Variants in IFRD1 observed in about 807,000 individuals in gnomAD.
IFRD1 encodes interferon-related developmental regulator 1.
IFRD1 carries 35 observed loss-of-function variants against 52.9 expected under a neutral mutation model. The observed-to-expected ratio is 0.66, with a 90% CI of 0.51 to 0.88. The LOEUF (loss-of-function observed/expected upper bound fraction) is 0.88, where lower values mean the gene tolerates loss of function less well. IFRD1 is among the 40% of genes least tolerant of loss of function. The probability of loss-of-function intolerance (pLI) is 0.00; values close to 1 mark genes in which losing one functional copy is unlikely to be tolerated. For synonymous variants in IFRD1, 184 were observed against 188.4 expected, an observed-to-expected ratio of 0.98 and a Z score of 0.19; for missense variants, 517 against 550.8, an observed-to-expected ratio of 0.94 and a Z score of 0.61.
intron 1 of IFRD1, among the ~76,000 whole-genome samples, chr7:112,455,083 CA>C (rs1207256615): frequency 2.7e-5 from 4 of 150,920 alleles, no homozygotes; most frequent in Admixed American, 1.3e-4. Context: ...AGGCAGGTCT[CA>C]AATTCCTGAC....
intron 10 of IFRD1, 34 bp from the exon 11 acceptor site, chr7:112,472,732 T>C: frequency 3.2e-6 from 4 of 1,263,164 alleles, no homozygotes; most frequent in Non-Finnish European, 4.7e-6. Context: ...TAATGTTTAA[T>C]ACTGAGCCAT....
chr7:112,460,165 T>A (rs2117305548), intron 5 of IFRD1, among the ~76,000 whole-genome samples: 1 of 151,896 alleles, frequency 6.6e-6, no homozygotes, highest in African/African-American at 2.4e-5. Flanking sequence ...TACTTCCAAG[T>A]TGCTGTGAAT....
chr7:112,468,423 A>G (rs1007511393), intron 9 of IFRD1, among the ~76,000 whole-genome samples: 14 of 152,272 alleles, frequency 9.2e-5, no homozygotes, highest in Middle Eastern at 3.4e-3. Flanking sequence ...CTTAGCATAT[A>G]CATTCTTAGT....
At chr7:112,469,519 TTTTC>T (rs1484901789) in intron 9 of IFRD1, among the ~76,000 whole-genome samples, 1 of 152,156 alleles carries the variant, frequency 6.6e-6, no homozygotes, top group Non-Finnish European at 1.5e-5. Context: ...AAGTAAGCCA[TTTTC>T]TTTAAGTAAC....
chr7:112,458,768 T>A (rs1795355830), intron 4 of IFRD1, 93 bp from the exon 5 acceptor site: 2 of 1,181,480 alleles, frequency 1.7e-6, no homozygotes, highest in Non-Finnish European at 2.5e-6. Flanking sequence ...TGGTAAATGC[T>A]ATTTTGTCAT....
chr7:112,435,979 T>C (rs948858234), intron 1 of IFRD1, among the ~76,000 whole-genome samples: 11 of 151,596 alleles, frequency 7.3e-5, no homozygotes, highest in African/African-American at 2.7e-4. Flanking sequence ...GCCTCCTGGG[T>C]TCAAGTGATT....
intron 11 of IFRD1, among the ~76,000 whole-genome samples, chr7:112,474,975 T>C (rs1245915787): frequency 2.6e-5 from 4 of 151,942 alleles, no homozygotes; most frequent in African/African-American, 9.7e-5. Flanking sequence ...TTTATTTTTT[T>C]TGAGACGGAG....
At chr7:112,461,728 T>C in intron 5 of IFRD1, 138 bp from the exon 6 acceptor site, 1 of 487,128 alleles carries the variant, frequency 2.1e-6, no homozygotes, top group Non-Finnish European at 3.6e-6. Context: ...TCTCCTCACC[T>C]CTTTTATGTA....
At chr7:112,473,631 G>A (rs1387872221) in intron 11 of IFRD1, among the ~76,000 whole-genome samples, 7 of 151,922 alleles carry the variant, frequency 4.6e-5, no homozygotes, top group Non-Finnish European at 8.8e-5. Flanking sequence ...TGCCATGTTG[G>A]CCAGGCTAGT....
chr7:112,454,738 AAAATATATTTGTCTT>A (rs1300781477), intron 1 of IFRD1, among the ~76,000 whole-genome samples: 1 of 151,924 alleles, frequency 6.6e-6, no homozygotes, highest in Non-Finnish European at 1.5e-5. Context: ...TTCTCATTGG[AAAATATATTTGTCTT>A]ATTCTTATGA....
rs1191107867 is a variant in IFRD1 at position 112,462,302 on chromosome 7, G to A, written c.830G>A (p.Cys277Tyr). Residue 277 changes from cysteine (C) to tyrosine (Y), a missense_variant, in exon 8 of 12, where the codon TGT becomes TAT. Transcript: ENST00000403825. ...CATAAGCTTCCAAGCCTCCTCTCTT[G>A]TGATGATGTAAACATGAGAATAGCT... ...HFHKLPSLLS[C>Y]DDVNMRIAAG... is the part of the protein sequence containing the mutation. 2.5e-6 allele frequency: 4 copies of A among 1,613,794 alleles called. No individual in the cohort carries two copies. The South Asian group carries it at 3.3e-5, about 13-fold the overall frequency.
At chr7:112,438,031 GAT>G (rs1794754928) in intron 1 of IFRD1, among the ~76,000 whole-genome samples, 1 of 152,114 alleles carries the variant, frequency 6.6e-6, no homozygotes, top group Non-Finnish European at 1.5e-5. Flanking sequence ...GGGTAGAGTG[GAT>G]ATGTTTTTCA....
At chr7:112,431,261 T>C (rs889524382) in intron 1 of IFRD1, among the ~76,000 whole-genome samples, 1 of 152,226 alleles carries the variant, frequency 6.6e-6, no homozygotes, top group Non-Finnish European at 1.5e-5. Context: ...TAACTATATG[T>C]CATATTATAT....
chr7:112,451,021 G>A (rs1795148918), intron 1 of IFRD1: 2 of 558,186 alleles, frequency 3.6e-6, no homozygotes, highest in African/African-American at 3.8e-5. Flanking sequence ...GGGAGGAACG[G>A]GTCCTTGGGC....
At chr7:112,461,818 TAAG>T (rs1390758521) in intron 5 of IFRD1, 45 bp from the exon 6 acceptor site, 25 of 1,003,696 alleles carry the variant, frequency 2.5e-5, no homozygotes, top group Non-Finnish European at 3.5e-5. Context: ...GTAGAATTAA[TAAG>T]AAATAAAATC....
At chr7:112,454,328 G>A (rs972147632) in intron 1 of IFRD1, among the ~76,000 whole-genome samples, 2 of 152,052 alleles carry the variant, frequency 1.3e-5, no homozygotes, top group African/African-American at 4.8e-5. Flanking sequence ...AATTAGCTGG[G>A]ATTACAAGCG....
At chr7:112,426,254 G>A (rs1400161180) in intron 1 of IFRD1, among the ~76,000 whole-genome samples, 1 of 152,152 alleles carries the variant, frequency 6.6e-6, no homozygotes, top group African/African-American at 2.4e-5. Flanking sequence ...TGTTAGCTGT[G>A]GAGGCTCAGC....
intron 1 of IFRD1, among the ~76,000 whole-genome samples, chr7:112,433,918 C>A (rs1408338570): frequency 1.3e-5 from 2 of 152,186 alleles, no homozygotes; most frequent in Non-Finnish European, 2.9e-5. Context: ...CTTCCCAGCT[C>A]AAGCTATCCT....
chr7:112,461,137 C>T (rs1440184336), intron 5 of IFRD1, among the ~76,000 whole-genome samples: 2 of 151,898 alleles, frequency 1.3e-5, no homozygotes, highest in Middle Eastern at 3.4e-3. Context: ...CAGCATAATC[C>T]AGAATAAGTG....
Sources: allele counts gnomAD v4.1 joint callset (sites outside exome capture counted in the v4.1 genomes callset), GRCh38; gene constraint gnomAD v4.1.1; transcripts MANE v1.5; gene names NCBI Gene and HGNC (gene_info 2026-07-23, HGNC 2026-07-21).